The following GLMN variants were observed in gnomAD, a reference collection of about 807,000 sequenced individuals.
GLMN encodes the protein glomulin, FKBP associated protein, also known as glomulin.
In GLMN, 75 loss-of-function variants were observed where a neutral mutation model predicts 87.8. That is an observed-to-expected ratio of 0.85 (90% CI 0.71 to 1.04). The LOEUF (loss-of-function observed/expected upper bound fraction) is 1.04. Among genes scored for constraint, GLMN ranks in the 50% least tolerant of loss-of-function variants. The probability of loss-of-function intolerance (pLI) is 0.00; values close to 1 mark genes in which losing one functional copy is unlikely to be tolerated. For synonymous variants in GLMN, 206 were observed against 221.6 expected (o/e 0.93, Z 0.63); for missense variants, 588 against 658.8 (o/e 0.89, Z 1.18).
chr1:92,346,900 T>C, the GLMN span, among the ~76,000 whole-genome samples: 11 of 152,218 alleles, frequency 7.2e-5, no homozygotes, highest in Non-Finnish European at 1.3e-4. Context: ...TTAGAGGTCA[T>C]TGAAGCCCAT....
At chr1:92,283,706 T>C (rs557031520) in intron 7 of GLMN, among the ~76,000 whole-genome samples, 1 of 152,286 alleles carries the variant, frequency 6.6e-6, no homozygotes, top group South Asian at 2.1e-4. Context: ...GACATGATTG[T>C]ATATTTAGAA....
At chr1:92,272,485 T>C (rs1479530804) in intron 7 of GLMN, among the ~76,000 whole-genome samples, 2 of 152,218 alleles carry the variant, frequency 1.3e-5, no homozygotes, top group Non-Finnish European at 1.5e-5. Context: ...ATGAATTTTA[T>C]GTATATTTCA....
the GLMN span, chr1:92,323,375 C>T: frequency 2.2e-5 from 26 of 1,167,784 alleles, no homozygotes; most frequent in Non-Finnish European, 3.0e-5. Flanking sequence ...GGGTACTTTA[C>T]TTTTCTATTG....
the GLMN span, among the ~76,000 whole-genome samples, chr1:92,316,758 T>A: frequency 6.6e-6 from 1 of 152,198 alleles, no homozygotes; most frequent in Non-Finnish European, 1.5e-5. Flanking sequence ...GAAATTTGGA[T>A]TTCATCTAAG....
the GLMN span, among the ~76,000 whole-genome samples, chr1:92,341,487 A>G: frequency 6.6e-6 from 1 of 152,156 alleles, no homozygotes; most frequent in Non-Finnish European, 1.5e-5. Context: ...AAGTACTTTG[A>G]AATGAAATGA....
the GLMN span, among the ~76,000 whole-genome samples, chr1:92,305,432 C>A: frequency 0.014 from 741 of 52,482 alleles, no homozygotes; most frequent in African/African-American, 0.021. Context: ...GGCTCCGTCT[C>A]AAAAAAAAAA....
intron 16 of GLMN, among the ~76,000 whole-genome samples, chr1:92,256,564 G>C (rs557069470): frequency 4.6e-5 from 7 of 152,208 alleles, no homozygotes; most frequent in Admixed American, 2.0e-4. Flanking sequence ...CCATGATCAA[G>C]TTGGCTTCAT....
chr1:92,299,288 A>C, upstream of GLMN: 4 of 452,550 alleles, frequency 8.8e-6, no homozygotes, highest in Middle Eastern at 5.2e-4. Context: ...AAAGCTTCCC[A>C]CCGCCGTCCG....
At chr1:92,303,275 A>G (rs1378178979), upstream of GLMN, among the ~76,000 whole-genome samples, 1 of 152,224 alleles carries the variant, frequency 6.6e-6, no homozygotes, top group Admixed American at 6.5e-5. Context: ...ATGACACCAG[A>G]AAAGACAAAG....
chr1:92,362,545 C>G, the GLMN span, among the ~76,000 whole-genome samples: 1 of 152,110 alleles, frequency 6.6e-6, no homozygotes, highest in Non-Finnish European at 1.5e-5. Context: ...CAAGTATAAT[C>G]TGCCTTAAAG....
At chr1:92,319,666 C>A in the GLMN span, among the ~76,000 whole-genome samples, 1 of 152,126 alleles carries the variant, frequency 6.6e-6, no homozygotes, top group Admixed American at 6.5e-5. Flanking sequence ...CTTTAAGGAG[C>A]TTATAGTCTA....
the GLMN span, among the ~76,000 whole-genome samples, chr1:92,328,170 C>T: frequency 6.6e-6 from 1 of 152,146 alleles, no homozygotes; most frequent in Admixed American, 6.5e-5. Flanking sequence ...CCCAGGTGTT[C>T]TTTGAGCTTC....
At chr1:92,277,029 G>T (rs1474245752) in intron 7 of GLMN, among the ~76,000 whole-genome samples, 1 of 152,044 alleles carries the variant, frequency 6.6e-6, no homozygotes, top group Non-Finnish European at 1.5e-5. Flanking sequence ...AGTTATCCAA[G>T]CAAAAACCCT....
chr1:92,321,556 G>A, the GLMN span, among the ~76,000 whole-genome samples: 11 of 151,940 alleles, frequency 7.2e-5, no homozygotes, highest in African/African-American at 2.7e-4. Flanking sequence ...TTTTGATAGT[G>A]TCTGTGCTTT....
intron 7 of GLMN, among the ~76,000 whole-genome samples, chr1:92,275,926 T>G (rs967954500): frequency 5.9e-5 from 9 of 152,108 alleles, no homozygotes; most frequent in African/African-American, 2.2e-4. Context: ...CCCCTCTCAT[T>G]CAAAGTATCT....
At chr1:92,331,796 C>G in the GLMN span, among the ~76,000 whole-genome samples, 1 of 152,100 alleles carries the variant, frequency 6.6e-6, no homozygotes. Flanking sequence ...TGCCTTGTGC[C>G]TGAAGAATAT....
chr1:92,334,329 T>C, the GLMN span, among the ~76,000 whole-genome samples: 2 of 152,208 alleles, frequency 1.3e-5, no homozygotes, highest in African/African-American at 2.4e-5. Context: ...TTTTTGGTTT[T>C]TTATTTGAAC....
chr1:92,291,260 C>A (rs1649367102), intron 4 of GLMN, among the ~76,000 whole-genome samples, 158 bp downstream of exon 4: 1 of 152,132 alleles, frequency 6.6e-6, no homozygotes, highest in African/African-American at 2.4e-5. Flanking sequence ...AATGGAATTG[C>A]CTATCCAATC....
intron 11 of GLMN, 101 bp from the exon 12 acceptor site, chr1:92,266,842 G>T: frequency 1.4e-6 from 1 of 737,624 alleles, no homozygotes; most frequent in Non-Finnish European, 2.3e-6. Context: ...TCAGAGAAGT[G>T]AGGGTAGGAG....
Sources: gnomAD v4.1 joint callset for allele counts (sites outside exome capture counted in the v4.1 genomes callset) on GRCh38, gnomAD v4.1.1 for gene constraint, MANE v1.5 for transcripts, NCBI Gene and HGNC (gene_info 2026-07-23, HGNC 2026-07-21) for gene names.